CAPN5: variants seen among roughly 807,000 people sequenced by gnomAD.
The protein encoded by CAPN5 is calpain-5.
CAPN5 carries 54 observed loss-of-function variants against 73.0 expected under a neutral mutation model. The ratio of observed to expected loss-of-function variants is 0.74; its 90% CI spans 0.59 to 0.93. The LOEUF is 0.93. Among genes scored for constraint, CAPN5 ranks in the 40% least tolerant of loss-of-function variants. The probability of loss-of-function intolerance (pLI) is 0.00; values close to 1 mark genes in which losing one functional copy is unlikely to be tolerated. For missense variants in CAPN5, 785 were observed against 882.9 expected (o/e 0.89, Z 1.41); for synonymous variants, 335 against 356.9 (o/e 0.94, Z 0.69).
chr11:77,086,877 T>C (rs1950091719), intron 2 of CAPN5, among the ~76,000 whole-genome samples: 1 of 152,200 alleles, frequency 6.6e-6, no homozygotes, highest in Non-Finnish European at 1.5e-5. Context: ...CGCTTGGTAC[T>C]CTCCTGCTGC....
chr11:77,112,562 C>A (rs782257351), intron 3 of CAPN5, 27 bp from the exon 4 acceptor site: 30 of 1,583,270 alleles, frequency 1.9e-5, no homozygotes, highest in Non-Finnish European at 2.6e-5. Context: ...TGTGTTCCCC[C>A]ATCCTATCCC....
At chr11:77,097,525 T>C (rs535779725) in intron 3 of CAPN5, among the ~76,000 whole-genome samples, 4 of 116,258 alleles carry the variant, frequency 3.4e-5, no homozygotes, top group African/African-American at 1.0e-4. Flanking sequence ...CAGAGGGGGA[T>C]TTGGCAGGGT....
chr11:77,097,186 C>T (rs1406300358), intron 3 of CAPN5, among the ~76,000 whole-genome samples: 2 of 151,948 alleles, frequency 1.3e-5, no homozygotes, highest in African/African-American at 2.4e-5. Context: ...CATGCCACTG[C>T]ACTCCAGCCT....
intron 3 of CAPN5, among the ~76,000 whole-genome samples, chr11:77,102,611 T>C (rs1157291840): frequency 1.3e-5 from 2 of 152,226 alleles, no homozygotes; most frequent in East Asian, 1.9e-4. Flanking sequence ...CTGCAGGGCC[T>C]GCATTATCGC....
rs375065696 is a variant in CAPN5 at position 77,118,291 on chromosome 11, C to T, written c.1106C>T (p.Pro369Leu). The T allele has an allele frequency of 2.0e-5, 33 of 1,613,420 alleles. No homozygotes were observed. In the Middle Eastern group the frequency reaches 5.0e-4, roughly 24 times the overall value. The stretch of plus-strand genomic sequence containing the variant: ...GGCGCCTGGACGCTGCATGAGGACC[C>T]GCGACAGAACCGCGGTGGCGGCTGC... ...LHGAWTLHEDPRQNRGGGCIN... is the reference protein window; with the variant it reads ...LHGAWTLHEDLRQNRGGGCIN... Residue 369 changes from proline to leucine, a missense_variant, in exon 8 of 13, where the codon CCG becomes CTG. Transcript: ENST00000648180.
At chr11:77,081,510 G>A (rs1950028379) in intron 1 of CAPN5, among the ~76,000 whole-genome samples, 1 of 152,234 alleles carries the variant, frequency 6.6e-6, no homozygotes, top group African/African-American at 2.4e-5. Flanking sequence ...TCGACTGCCT[G>A]AGACTGTCAG....
rs782142546 is a variant in CAPN5, at chr11:77,120,814, C to T, written c.1392C>T (p.Pro464=). The T allele has an allele frequency of 2.5e-6, 4 of 1,614,190 alleles. No individual in the cohort carries two copies. Among genetic ancestry groups the T allele is most frequent in the East Asian group, 2.2e-5 (1 of 44,888 alleles). Residue 464 remains proline, a synonymous_variant, in exon 10 of 13, where the codon CCC becomes CCT. Transcript: ENST00000648180. ...SRSVFLRTDQ[P]EGRYVIIPTT... is the part of the protein sequence containing the mutation. ...GCGTCTTCCTGCGCACCGACCAGCC[C>T]GAGGGCCGCTATGTCATCATCCCCA...
In CAPN5 at chr11:77,093,729, C is replaced by T. The variant is rs149236442; in HGVS notation, c.213C>T (p.His71=). Residue 71 remains histidine (H), a synonymous_variant, in exon 3 of 13, where the codon CAC becomes CAT. Transcript: ENST00000648180. ...TCTTTGTGGATGGCATCAGCTCCCA[C>T]GACCTGCACCAGGGCCAGGTGGGCA... The part of the protein sequence containing the change: ...PRLFVDGISS[H]DLHQGQVGNC... The T allele has an allele frequency of 1.0e-4, 161 of 1,611,172 alleles. No homozygotes were observed. In the African/African-American group the frequency reaches 1.5e-3, roughly 15 times the overall value.
At chr11:77,083,852 G>GTGATA (rs1950053224) in intron 1 of CAPN5, among the ~76,000 whole-genome samples, 1 of 152,320 alleles carries the variant, frequency 6.6e-6, no homozygotes, top group South Asian at 2.1e-4. Context: ...ACTCACACCA[G>GTGATA]TCTTGATCTC....
intron 1 of CAPN5, among the ~76,000 whole-genome samples, chr11:77,069,291 A>G (rs1949877413): frequency 6.6e-6 from 1 of 152,202 alleles, no homozygotes; most frequent in Admixed American, 6.5e-5. Context: ...CATCTTTCTA[A>G]GTACATGGTG....
At chr11:77,102,888 C>CTGGACCAGGGCCTGACCAGGCAGA (rs1555039132) in intron 3 of CAPN5, 3 of 1,611,986 alleles carry the variant, frequency 1.9e-6, no homozygotes, top group Non-Finnish European at 2.5e-6. Context: ...GCCGCTGGTC[C>CTGGACCAGGGCCTGACCAGGCAGA]TGGACCAGGG....
At chr11:77,113,489 A>C (rs1437668047) in intron 4 of CAPN5, among the ~76,000 whole-genome samples, 1 of 152,192 alleles carries the variant, frequency 6.6e-6, no homozygotes, top group Non-Finnish European at 1.5e-5. Flanking sequence ...CGCCAGCTCT[A>C]GGTGAGCCAC....
intron 2 of CAPN5, 26 bp downstream of exon 2, chr11:77,085,077 T>C (rs1565260011): frequency 1.2e-6 from 2 of 1,607,982 alleles, no homozygotes. Context: ...CAGCTGGAGC[T>C]GGGTGAGCGG....
rs782489181 is a variant in CAPN5, at chr11:77,120,836, C to G, written c.1414C>G (p.Pro472Ala). ...GCCCGAGGGCCGCTATGTCATCATCCCCACAACCTTCGAGCCAGGCCACAC... is the reference window on the plus strand; with the variant it reads ...GCCCGAGGGCCGCTATGTCATCATCGCCACAACCTTCGAGCCAGGCCACAC... ...DQPEGRYVII[P>A]TTFEPGHTGE... The change falls in exon 10 of 13, where the codon CCC becomes GCC. Residue 472 changes from proline (P) to alanine (A), a missense_variant. Physicochemically the swap from Pro to Ala is conservative, Grantham distance 27 (BLOSUM62 -1). Coordinates refer to ENST00000648180, the MANE Select transcript of CAPN5 (RefSeq NM_004055.5). The G allele has an allele frequency of 3.1e-6, 5 of 1,614,194 alleles. No individual in the cohort carries two copies. The East Asian group carries it at 1.1e-4, about 36-fold the overall frequency.
chr11:77,108,416 G>T (rs1216253367), intron 3 of CAPN5, among the ~76,000 whole-genome samples: 4 of 152,176 alleles, frequency 2.6e-5, no homozygotes, highest in Non-Finnish European at 5.9e-5. Context: ...ACATGTGCGT[G>T]GGGGAGGTGG....
At chr11:77,095,261 C>T (rs118034549) in intron 3 of CAPN5, among the ~76,000 whole-genome samples, 1,483 of 122,550 alleles carry the variant, frequency 0.012, 14 homozygotes, top group Non-Finnish European at 0.019. Flanking sequence ...TAGGGCCAGT[C>T]CTCACTCTCC....
chr11:77,094,243 C>T (rs1188515752), intron 3 of CAPN5, among the ~76,000 whole-genome samples: 1 of 152,210 alleles, frequency 6.6e-6, no homozygotes, highest in Admixed American at 6.5e-5. Context: ...AGTTGTTCAG[C>T]AAGGGTGGTT....
In CAPN5 at chr11:77,084,975, C is replaced by T. The variant is rs782143332; in HGVS notation, c.89C>T (p.Pro30Leu). ...CRRRKVLFEDPLFPATDDSLY... is the reference protein window; with the variant it reads ...CRRRKVLFEDLLFPATDDSLY... ...CGCAGGAAGGTGCTCTTCGAGGACC[C>T]CCTCTTCCCCGCCACTGACGACTCA... The change falls in exon 2 of 13, where the codon CCC (proline) becomes CTC (leucine). Residue 30 changes from proline (P) to leucine (L), a missense_variant. Pro to Leu is a moderately conservative substitution (Grantham distance 98). Transcript: ENST00000648180. 1.4e-5 allele frequency: 23 copies of T among 1,613,538 alleles called. No individual in the cohort carries two copies. The highest frequency in any genetic ancestry group is 2.2e-5 in the East Asian group (1 of 44,898).
At chr11:77,093,899 G>T (rs1423599332) in intron 3 of CAPN5, 86 bp downstream of exon 3, 48 of 1,538,054 alleles carry the variant, frequency 3.1e-5, no homozygotes, top group Non-Finnish European at 4.0e-5. Flanking sequence ...GAACCTGATT[G>T]TGGCAGATGA....
Sources: gnomAD v4.1 joint callset for allele counts (sites outside exome capture counted in the v4.1 genomes callset) on GRCh38, gnomAD v4.1.1 for gene constraint, MANE v1.5 for transcripts, NCBI Gene and HGNC (gene_info 2026-07-23, HGNC 2026-07-21) for gene names.